NPM1: variants seen among roughly 807,000 people sequenced by gnomAD.
NPM1 encodes the protein nucleophosmin 1.
In NPM1, 1 loss-of-function variant was observed where a neutral mutation model predicts 44.1. The observed-to-expected ratio is 0.02, with a 90% CI of 0.01 to 0.11. The LOEUF (loss-of-function observed/expected upper bound fraction) is 0.11, where lower values mean the gene tolerates loss of function less well. Ranked by LOEUF, NPM1 falls within the 10% of genes least tolerant of loss-of-function variation. The pLI is 1.00. For synonymous variants in NPM1, 126 were observed against 111.8 expected, an observed-to-expected ratio of 1.13 and a Z score of -0.80; for missense variants, 197 against 347.8, an observed-to-expected ratio of 0.57 and a Z score of 3.45.
chr5:171,391,938 G>T, intron 4 of NPM1, 139 bp downstream of exon 4: 1 of 429,034 alleles, frequency 2.3e-6, no homozygotes. Context: ...AATTGGAGAG[G>T]ACAAATAAAT....
chr5:171,398,202 A>C (rs1375076572), intron 6 of NPM1, among the ~76,000 whole-genome samples: 3 of 152,196 alleles, frequency 2.0e-5, no homozygotes, highest in Admixed American at 2.0e-4. Context: ...CCTTTGAACA[A>C]GTTTTTAATT....
At chr5:171,387,573 T>G (rs1581233405), upstream of NPM1, 1 of 240,644 alleles carries the variant, frequency 4.2e-6, no homozygotes, top group South Asian at 1.1e-4. Flanking sequence ...GGGTTGGAGG[T>G]GGGGAGTGCG....
At chr5:171,389,931 C>G (rs747870725) in intron 1 of NPM1, 120 bp from the exon 2 acceptor site, 31 of 643,192 alleles carry the variant, frequency 4.8e-5, no homozygotes, top group Non-Finnish European at 7.6e-5. Flanking sequence ...GCTTTGCCCT[C>G]TGGTAGCTAA....
chr5:171,391,921 G>C, intron 4 of NPM1, 122 bp downstream of exon 4: 1 of 477,278 alleles, frequency 2.1e-6, no homozygotes, highest in Non-Finnish European at 3.7e-6. Flanking sequence ...TCCAATGTGA[G>C]TCTAGAAATT....
At chr5:171,399,830 A>G (rs7708167) in intron 6 of NPM1, among the ~76,000 whole-genome samples, 9 of 152,188 alleles carry the variant, frequency 5.9e-5, no homozygotes, top group African/African-American at 2.2e-4. Flanking sequence ...CCTAGCGATC[A>G]CAATTATACC....
intron 4 of NPM1, among the ~76,000 whole-genome samples, chr5:171,392,225 G>T (rs1179131673): frequency 6.6e-6 from 1 of 152,158 alleles, no homozygotes; most frequent in African/African-American, 2.4e-5. Context: ...ACACGTGTCA[G>T]CCACTGTGCC....
chr5:171,387,750 CG>C (rs1219873581), upstream of NPM1: 3 of 596,336 alleles, frequency 5.0e-6, no homozygotes, highest in Admixed American at 2.9e-5. Context: ...GGCTACGGTA[CG>C]GGGGTGGGAG....
At chr5:171,408,200 C>T (rs1771665338) in intron 10 of NPM1, among the ~76,000 whole-genome samples, 2 of 151,182 alleles carry the variant, frequency 1.3e-5, no homozygotes, top group East Asian at 1.9e-4. Context: ...CAAAATCATC[C>T]TAACATGAAA....
At position 171,391,377 on chromosome 5, in the gene NPM1, C is replaced by A. The variant is rs2113169227; in HGVS notation, c.211C>A (p.Pro71Thr). 2 of 1,611,614 alleles carry A rather than the reference C, an allele frequency of 1.2e-6. No homozygotes were observed. The highest frequency in any genetic ancestry group is 8.5e-7 in the Non-Finnish European group (1 of 1,179,884). Residue 71 changes from proline (P) to threonine (T), a missense_variant, in exon 3 of 11, where the codon CCA (proline) becomes ACA (threonine). Pro to Thr is a conservative substitution (Grantham distance 38, BLOSUM62 -1). This residue lies in a region of NPM1 where 43 missense variants were observed against 109.6 expected (regional missense o/e 0.39). Transcript: ENST00000296930. The stretch of plus-strand genomic sequence containing the variant: ...AGAGGCAATGAATTACGAAGGCAGT[C>A]CAATTAAAGTAACACTGGCAACTTT... ...EAEAMNYEGSPIKVTLATLKM... is the reference protein window; with the variant it reads ...EAEAMNYEGSTIKVTLATLKM...
chr5:171,397,713 T>C (rs1216667345), intron 6 of NPM1, among the ~76,000 whole-genome samples: 1 of 152,188 alleles, frequency 6.6e-6, no homozygotes, highest in African/African-American at 2.4e-5. Context: ...GCCAGGCTGT[T>C]CTTAAACTCC....
rs1239943726 is a variant in NPM1, at chr5:171,391,519, GTGGTTCTTTATCTTC to G, written c.258+98_258+112del. On this transcript the variant is annotated intron_variant, in intron 3 of 10. Transcript: ENST00000296930. The stretch of plus-strand genomic sequence containing the variant: ...TTTAGTTGTGCCAAGGAGATAGAAA[GTGGTTCTTTATCTTC>G]TGTCACTGGAGTTCGATGGTCAACT... 4 of 1,499,140 alleles carry G rather than the reference GTGGTTCTTTATCTTC, an allele frequency of 2.7e-6. No homozygotes were observed. In the Admixed American group the frequency reaches 7.5e-5, roughly 28 times the overall value. The allele number at this position is 1,499,140 out of a possible 1,614,324, so 92.9% of individuals were successfully genotyped here. A position where few individuals can be genotyped will look rare whatever the true frequency, so the allele number is the denominator to read the frequency against.
intron 8 of NPM1, among the ~76,000 whole-genome samples, chr5:171,404,284 T>C (rs1771442307): frequency 9.9e-6 from 1 of 100,526 alleles, no homozygotes; most frequent in East Asian, 4.0e-4. Flanking sequence ...GCGGAGATGC[T>C]CCTCACTTCC....
intron 8 of NPM1, among the ~76,000 whole-genome samples, chr5:171,402,787 GCT>G (rs916202807): frequency 5.9e-5 from 8 of 135,078 alleles, no homozygotes; most frequent in Non-Finnish European, 8.0e-5. Context: ...CCCCCTTTGT[GCT>G]CTCTCTCTTC....
At position 171,406,901 on chromosome 5, in the gene NPM1, TATTA is replaced by T. The variant is rs557494003; in HGVS notation, c.772-793_772-790del. ...CATAAAAGATACTTAGAGGGAAAGG[TATTA>T]ATTAAATTTAGTAAAAACAAATATA... On this transcript the variant is annotated intron_variant, in intron 9 of 10. Transcript: ENST00000296930. 237 of 180,860 alleles carry T rather than the reference TATTA, an allele frequency of 1.3e-3. 1 individual carries two copies. Among genetic ancestry groups the T allele is most frequent in the African/African-American group, 5.4e-3 (229 of 42,364 alleles). 11.2% of individuals were successfully genotyped at this position (180,860 alleles called of 1,614,324 possible).
rs368568545 is a variant in NPM1, at chr5:171,400,198, G to A, written c.570G>A (p.Ala190=). The stretch of plus-strand genomic sequence containing the variant: ...ATGATGAGGAAGCTGAAGAAAAAGC[G>A]CCAGTGAAGAAAGTGAGTAGATACA... The part of the protein sequence containing the change: ...DFDDEEAEEK[A]PVKKSIRDTP... The change falls in exon 7 of 11, where the codon GCG becomes GCA. Residue 190 remains alanine (A), a synonymous_variant. Transcript: ENST00000296930. 24 of 1,613,086 alleles carry A rather than the reference G, an allele frequency of 1.5e-5. No homozygotes were observed. Among genetic ancestry groups the A allele is most frequent in the South Asian group, 2.2e-5 (2 of 91,074 alleles).
At chr5:171,387,753 G>A, upstream of NPM1, 5 of 622,628 alleles carry the variant, frequency 8.0e-6, no homozygotes, top group South Asian at 1.9e-5. Context: ...TACGGTACGG[G>A]GGTGGGAGGG....
At chr5:171,405,150 T>C (rs1392135324) in intron 8 of NPM1, 152 bp from the exon 9 acceptor site, 8 of 596,314 alleles carry the variant, frequency 1.3e-5, no homozygotes, top group Non-Finnish European at 2.4e-5. Flanking sequence ...AACAAAATTA[T>C]ATGGCGTGAA....
intron 4 of NPM1, 95 bp downstream of exon 4, chr5:171,391,894 C>A: frequency 1.6e-6 from 1 of 626,654 alleles, no homozygotes; most frequent in Non-Finnish European, 2.8e-6. Context: ...TATAGTACTA[C>A]TGTCTTTTTA....
intron 8 of NPM1, among the ~76,000 whole-genome samples, chr5:171,404,505 G>A (rs1381701186): frequency 1.1e-3 from 80 of 71,768 alleles, no homozygotes; most frequent in African/African-American, 4.4e-3. Context: ...ATGGGGCGGC[G>A]GGGCAGAGGC....
Sources: gnomAD v4.1 joint callset for allele counts (sites outside exome capture counted in the v4.1 genomes callset) on GRCh38, gnomAD v4.1.1 for gene constraint, gnomAD v4.1.1 regional missense constraint, MANE v1.5 for transcripts, NCBI Gene and HGNC (gene_info 2026-07-23, HGNC 2026-07-21) for gene names.